The following TOM1L2 variants were observed in gnomAD, a reference collection of about 807,000 sequenced individuals.
TOM1L2 encodes the protein target of myb1 like 2 membrane trafficking protein.
A neutral mutation model predicts 67.9 loss-of-function variants in TOM1L2; 31 were observed. The observed-to-expected ratio is 0.46, with a 90% CI of 0.34 to 0.62. The LOEUF (loss-of-function observed/expected upper bound fraction) is 0.62. Among genes scored for constraint, TOM1L2 ranks in the 20% least tolerant of loss-of-function variants. TOM1L2 has a pLI of 0.01. For synonymous variants in TOM1L2, 256 were observed against 254.0 expected, an observed-to-expected ratio of 1.01 and a Z score of -0.07; for missense variants, 606 against 663.5, an observed-to-expected ratio of 0.91 and a Z score of 0.95.
chr17:17,889,218 C>T (rs2038148390), intron 4 of TOM1L2, among the ~76,000 whole-genome samples: 1 of 152,180 alleles, frequency 6.6e-6, no homozygotes. Flanking sequence ...AGAAAGCCCC[C>T]ATACGGGAAA....
intron 1 of TOM1L2, among the ~76,000 whole-genome samples, chr17:17,928,614 C>G (rs549959950): frequency 1.3e-5 from 2 of 152,200 alleles, no homozygotes; most frequent in African/African-American, 4.8e-5. Context: ...GAATTAATTG[C>G]ACTCTTCTGG....
At chr17:17,963,245 C>A (rs2041759792) in intron 1 of TOM1L2, among the ~76,000 whole-genome samples, 1 of 152,118 alleles carries the variant, frequency 6.6e-6, no homozygotes, top group Non-Finnish European at 1.5e-5. Context: ...GGGACTGACT[C>A]CAATCTAGAA....
At chr17:17,869,074 TG>T in intron 8 of TOM1L2, 1 of 427,460 alleles carries the variant, frequency 2.3e-6, no homozygotes, top group Non-Finnish European at 3.8e-6. Context: ...GGCGGGGCAG[TG>T]GGGAAAGGCA....
chr17:17,882,969 G>A, intron 5 of TOM1L2, 106 bp from the exon 6 acceptor site: 1 of 1,378,420 alleles, frequency 7.3e-7, no homozygotes, highest in Non-Finnish European at 1.0e-6. Flanking sequence ...GCCCACGAAA[G>A]GCTCAAGGCC....
rs558355401 is a variant in TOM1L2 at position 17,850,874 on chromosome 17, T to C, written c.1338+19A>G. 3 of 1,613,596 alleles carry C rather than the reference T, an allele frequency of 1.9e-6. No homozygotes were observed. The highest frequency in any genetic ancestry group is 1.3e-5 in the African/African-American group (1 of 75,014). ...GCCGCTCCACACCCCACAGATGAAA[T>C]AGAAAAGTCGAGTCTCACCAGGTCG... On this transcript the variant is annotated intron_variant, in intron 13 of 14. Coordinates refer to ENST00000379504, the MANE Select transcript of TOM1L2 (RefSeq NM_001082968.2).
At chr17:17,938,076 A>T (rs2040581004) in intron 1 of TOM1L2, among the ~76,000 whole-genome samples, 1 of 151,910 alleles carries the variant, frequency 6.6e-6, no homozygotes, top group Non-Finnish European at 1.5e-5. Flanking sequence ...AAGAGCAGAG[A>T]CCTCCCTCTG....
At chr17:17,920,032 C>T (rs1379220104) in intron 1 of TOM1L2, among the ~76,000 whole-genome samples, 1 of 152,104 alleles carries the variant, frequency 6.6e-6, no homozygotes, top group African/African-American at 2.4e-5. Context: ...TAGAGGGTCA[C>T]AGAGGCAAAG....
At position 17,864,649 on chromosome 17, in the gene TOM1L2, T is replaced by A. The variant is rs182169958; in HGVS notation, c.1084+1647A>T. 3.1e-4 allele frequency among the ~76,000 whole-genome samples: 47 copies of A among 152,174 alleles called. No individual in the cohort carries two copies. In the East Asian group the frequency reaches 4.2e-3, roughly 14 times the overall value. ...GCCTCAACCCCCCTAGTAGTTGGGATTACAGGCACACACCACCATGCCCAG... is the reference window on the plus strand; with the variant it reads ...GCCTCAACCCCCCTAGTAGTTGGGAATACAGGCACACACCACCATGCCCAG... On this transcript the variant is annotated intron_variant, in intron 10 of 14. Transcript: ENST00000379504.
chr17:17,927,949 T>C (rs2040163341), intron 1 of TOM1L2, among the ~76,000 whole-genome samples: 1 of 152,214 alleles, frequency 6.6e-6, no homozygotes, highest in Non-Finnish European at 1.5e-5. Flanking sequence ...AGATTCCTTA[T>C]CTTTTAGAAA....
intron 2 of TOM1L2, among the ~76,000 whole-genome samples, chr17:17,901,593 C>T (rs1369101634): frequency 6.6e-6 from 1 of 152,222 alleles, no homozygotes; most frequent in Non-Finnish European, 1.5e-5. Context: ...AAGCTTTCTC[C>T]TCATCACCCC....
At chr17:17,954,958 T>C (rs932541564) in intron 1 of TOM1L2, among the ~76,000 whole-genome samples, 5 of 152,246 alleles carry the variant, frequency 3.3e-5, no homozygotes, top group Non-Finnish European at 5.9e-5. Context: ...AGCCCCTTCC[T>C]GACCTCCGTT....
chr17:17,879,959 C>A (rs970570226), intron 6 of TOM1L2, among the ~76,000 whole-genome samples: 18 of 152,198 alleles, frequency 1.2e-4, no homozygotes, highest in African/African-American at 4.3e-4. Flanking sequence ...CACCAACAGT[C>A]TGTTGTGCCT....
At chr17:17,942,676 C>G (rs1186503254) in intron 1 of TOM1L2, among the ~76,000 whole-genome samples, 1 of 152,122 alleles carries the variant, frequency 6.6e-6, no homozygotes, top group Non-Finnish European at 1.5e-5. Context: ...CCAAAAGATA[C>G]AGTGTTGGGA....
chr17:17,924,383 A>G (rs1236638086), intron 1 of TOM1L2, among the ~76,000 whole-genome samples: 1 of 152,220 alleles, frequency 6.6e-6, no homozygotes, highest in African/African-American at 2.4e-5. Context: ...CTCTGTGACT[A>G]TACTAAAAAC....
At chr17:17,864,148 C>G (rs1338768367) in intron 10 of TOM1L2, among the ~76,000 whole-genome samples, 1 of 151,984 alleles carries the variant, frequency 6.6e-6, no homozygotes, top group Non-Finnish European at 1.5e-5. Flanking sequence ...GGATTACAGG[C>G]GTGAGCCACT....
intron 4 of TOM1L2, among the ~76,000 whole-genome samples, chr17:17,889,165 G>A (rs2038144474): frequency 6.6e-6 from 1 of 152,178 alleles, no homozygotes; most frequent in African/African-American, 2.4e-5. Flanking sequence ...GCGGGTTGAG[G>A]GGGATGGGGT....
In TOM1L2 at chr17:17,933,258, C is replaced by T. The variant is rs567805069; in HGVS notation, c.53-25727G>A. ...GTCTATAAAGCAGGCAGGAAGAACA[C>T]GAAAGGGCCAAAGGACTTTGCCATC... On this transcript the variant is annotated intron_variant, in intron 1 of 14. Coordinates refer to ENST00000379504, the MANE Select transcript of TOM1L2 (RefSeq NM_001082968.2). 5.3e-5 allele frequency among the ~76,000 whole-genome samples: 8 copies of T among 152,252 alleles called. No homozygotes were observed. In the East Asian group the frequency reaches 5.8e-4, roughly 11 times the overall value.
intron 1 of TOM1L2, among the ~76,000 whole-genome samples, chr17:17,911,529 G>A (rs2039348972): frequency 6.6e-6 from 1 of 152,192 alleles, no homozygotes; most frequent in South Asian, 2.1e-4. Context: ...AAATAAATGA[G>A]ACTGAACTTT....
chr17:17,849,023 T>C (rs781046166), intron 13 of TOM1L2, 164 bp from the exon 14 acceptor site: 5 of 583,284 alleles, frequency 8.6e-6, no homozygotes, highest in East Asian at 3.0e-5. Context: ...AGTAAAATAC[T>C]GCTCTTCTTA....
Sources: allele counts gnomAD v4.1 joint callset (sites outside exome capture counted in the v4.1 genomes callset), GRCh38; gene constraint gnomAD v4.1.1; transcripts MANE v1.5; gene names NCBI Gene and HGNC (gene_info 2026-07-23, HGNC 2026-07-21).